MEGF10: variants seen among roughly 807,000 people sequenced by gnomAD.
MEGF10 encodes the protein multiple EGF like domains 10, also known as multiple epidermal growth factor-like domains protein 10.
Under a neutral mutation model 147.5 loss-of-function variants are expected in MEGF10, and 86 were observed. That is an observed-to-expected ratio of 0.58 (90% confidence interval 0.49 to 0.70). MEGF10 has a LOEUF of 0.70. Ranked by LOEUF, MEGF10 falls within the 30% of genes least tolerant of loss-of-function variation. The pLI, the probability that MEGF10 is intolerant of heterozygous loss-of-function variation, is 0.00. For synonymous variants in MEGF10, 478 were observed against 525.5 expected (o/e 0.91, Z 1.24); for missense variants, 1,329 against 1,487.3 (o/e 0.89, Z 1.75).
intron 12 of MEGF10, among the ~76,000 whole-genome samples, chr5:127,421,237 A>G (rs145233579): frequency 1.9e-3 from 286 of 152,348 alleles, no homozygotes; most frequent in Non-Finnish European, 3.0e-3. Context: ...GGAGTTAGTA[A>G]ATCAGTGAAG....
intron 1 of MEGF10, among the ~76,000 whole-genome samples, chr5:127,300,712 G>C (rs1214346021): frequency 5.3e-5 from 8 of 152,156 alleles, no homozygotes; most frequent in Non-Finnish European, 1.0e-4. Context: ...CACATAATTT[G>C]AATCCTGGTG....
chr5:127,432,197 GA>G (rs1247380600), intron 13 of MEGF10, among the ~76,000 whole-genome samples: 3 of 152,046 alleles, frequency 2.0e-5, no homozygotes, highest in Non-Finnish European at 2.9e-5. Flanking sequence ...CTTTCAGAAG[GA>G]AAAAAACAGG....
chr5:127,399,752 A>T (rs1329898896), intron 7 of MEGF10, among the ~76,000 whole-genome samples: 3 of 152,110 alleles, frequency 2.0e-5, no homozygotes, highest in Admixed American at 6.5e-5. Context: ...CTTACCTTTC[A>T]TACTAAAGAT....
chr5:127,279,664 A>C, the MEGF10 span, among the ~76,000 whole-genome samples: 1 of 152,124 alleles, frequency 6.6e-6, no homozygotes, highest in Non-Finnish European at 1.5e-5. Flanking sequence ...GTTTAGAATA[A>C]AACTTGAAAG....
chr5:127,418,237 A>C (rs950226651), intron 10 of MEGF10, among the ~76,000 whole-genome samples: 1 of 152,210 alleles, frequency 6.6e-6, no homozygotes, highest in Non-Finnish European at 1.5e-5. Flanking sequence ...GTAGTACATA[A>C]GTTTTTAGGT....
chr5:127,307,108 C>T (rs550768124), intron 1 of MEGF10, among the ~76,000 whole-genome samples: 10 of 152,208 alleles, frequency 6.6e-5, no homozygotes, highest in African/African-American at 2.4e-4. Context: ...GAAAGGAGCA[C>T]GCTTCTCCCC....
the MEGF10 span, among the ~76,000 whole-genome samples, chr5:127,277,752 C>T: frequency 8.6e-5 from 13 of 152,036 alleles, no homozygotes; most frequent in South Asian, 2.7e-3. Flanking sequence ...GAAGGTAGAG[C>T]CTACAGAATT....
intron 13 of MEGF10, among the ~76,000 whole-genome samples, chr5:127,426,200 A>G (rs149085983): frequency 7.2e-5 from 11 of 152,138 alleles, no homozygotes; most frequent in Admixed American, 2.6e-4. Context: ...ACCCACATCC[A>G]CCATTTCTTA....
In MEGF10 at chr5:127,427,731, G is replaced by C. The variant is rs377124680; in HGVS notation, c.1693+4959G>C. 8.5e-5 allele frequency among the ~76,000 whole-genome samples: 13 copies of C among 152,300 alleles called. No homozygotes were observed. In the South Asian group the frequency reaches 1.4e-3, roughly 17 times the overall value. ...CTGTCGTGAGGTGATGTCTCATGCA[G>C]CTAAGGGATGCCTGAACTGTTAAAA... On this transcript the variant is annotated intron_variant, in intron 13 of 24. Coordinates refer to ENST00000503335, the MANE Select transcript of MEGF10 (RefSeq NM_001256545.2).
Position 127,398,693 on chromosome 5 carries a change from C to T in MEGF10, c.677C>T (p.Pro226Leu). ...YTGAFCEDLC[P>L]PGKHGPQCEQ... ...TCCCTCAGCTGTGAGGATCTTTGTC[C>T]TCCTGGTAAACATGGTCCACAGTGT... is the stretch of plus-strand genomic sequence containing the variant. Residue 226 changes from proline (P) to leucine (L), a missense_variant, in exon 7 of 25, where the codon CCT becomes CTT. By Grantham distance (98) the Pro-to-Leu change is moderately conservative. Coordinates refer to ENST00000503335, the MANE Select transcript of MEGF10 (RefSeq NM_001256545.2). 1 of 1,614,092 alleles carries T rather than the reference C, an allele frequency of 6.2e-7. No homozygotes were observed. Among genetic ancestry groups the T allele is most frequent in the Non-Finnish European group, 8.5e-7 (1 of 1,179,992 alleles).
At chr5:127,285,648 T>C in the MEGF10 span, among the ~76,000 whole-genome samples, 85 of 152,246 alleles carry the variant, frequency 5.6e-4, no homozygotes, top group East Asian at 0.016. Context: ...CAGTTGTACA[T>C]TGTTTTCAGG....
chr5:127,312,649 G>T (rs1296069436), intron 1 of MEGF10, among the ~76,000 whole-genome samples: 3 of 152,132 alleles, frequency 2.0e-5, no homozygotes, highest in African/African-American at 4.8e-5. Flanking sequence ...TTCTTTCTGG[G>T]TTGTGCTTTG....
intron 4 of MEGF10, among the ~76,000 whole-genome samples, chr5:127,343,286 T>C (rs760884420): frequency 7.9e-5 from 12 of 152,116 alleles, no homozygotes; most frequent in Non-Finnish European, 1.3e-4. Flanking sequence ...TTAATGCAAA[T>C]ACCTGTATTT....
intron 4 of MEGF10, among the ~76,000 whole-genome samples, chr5:127,357,572 A>G (rs1268571777): frequency 6.7e-6 from 1 of 148,160 alleles, no homozygotes. Flanking sequence ...TAGGTGACAG[A>G]ACAAGACCCT....
At chr5:127,316,330 A>G (rs1434461470) in intron 1 of MEGF10, among the ~76,000 whole-genome samples, 1 of 152,218 alleles carries the variant, frequency 6.6e-6, no homozygotes, top group Non-Finnish European at 1.5e-5. Flanking sequence ...AGCAGGTCCA[A>G]TTATTGACAA....
At chr5:127,436,446 T>C (rs888253854) in intron 16 of MEGF10, among the ~76,000 whole-genome samples, 6 of 152,020 alleles carry the variant, frequency 3.9e-5, no homozygotes, top group African/African-American at 1.4e-4. Context: ...GTGAAAGAAG[T>C]GTTATGCGAT....
intron 5 of MEGF10, among the ~76,000 whole-genome samples, chr5:127,392,245 A>C (rs1464302948): frequency 1.3e-5 from 2 of 152,170 alleles, no homozygotes; most frequent in Non-Finnish European, 1.5e-5. Context: ...TAATGGCCAT[A>C]GTACAATAGC....
At chr5:127,394,066 C>A (rs149362087) in intron 5 of MEGF10, among the ~76,000 whole-genome samples, 1 of 152,092 alleles carries the variant, frequency 6.6e-6, no homozygotes, top group Admixed American at 6.6e-5. Flanking sequence ...TGTAATAACC[C>A]ACCGTGATTT....
intron 18 of MEGF10, among the ~76,000 whole-genome samples, chr5:127,441,242 G>T (rs1765746745): frequency 2.0e-5 from 3 of 152,234 alleles, no homozygotes. Context: ...TTGGAGGACA[G>T]TACATTCGGT....
Sources: gnomAD v4.1 joint callset for allele counts (sites outside exome capture counted in the v4.1 genomes callset) on GRCh38, gnomAD v4.1.1 for gene constraint, MANE v1.5 for transcripts, NCBI Gene and HGNC (gene_info 2026-07-23, HGNC 2026-07-21) for gene names.